The following CD101 variants were observed in gnomAD, a reference collection of about 807,000 sequenced individuals.
The protein encoded by CD101 is CD101 molecule.
CD101 carries 76 observed loss-of-function variants against 98.2 expected under a neutral mutation model. The ratio of observed to expected loss-of-function variants is 0.77; its 90% CI spans 0.64 to 0.94. CD101 has a LOEUF of 0.94. Among genes scored for constraint, CD101 ranks in the 40% least tolerant of loss-of-function variants. The pLI is 0.00. For missense variants in CD101, 1,145 were observed against 1,218.8 expected, an observed-to-expected ratio of 0.94 and a Z score of 0.90; for synonymous variants, 471 against 472.7, an observed-to-expected ratio of 1.00 and a Z score of 0.05.
chr1:117,035,571 A>G (rs1165244482), intron 9 of CD101, among the ~76,000 whole-genome samples: 2 of 142,726 alleles, frequency 1.4e-5, no homozygotes, highest in Non-Finnish European at 3.0e-5. Context: ...TTTTTTTGAG[A>G]TGAAGTCTCG....
At chr1:117,015,535 TA>T (rs1653148649) in intron 4 of CD101, among the ~76,000 whole-genome samples, 1 of 152,232 alleles carries the variant, frequency 6.6e-6, no homozygotes, top group South Asian at 2.1e-4. Context: ...CTCTCTTTGT[TA>T]CTTATGTATA....
chr1:117,001,880 A>G lies in CD101; in HGVS notation c.43+20A>G. ...TTCTGAGTAAGTTTCATAATCCTTT[A>G]TGTTTCTCTTGTCACAGGAGTTCAT... On this transcript the variant is annotated intron_variant, in intron 1 of 9. Coordinates refer to ENST00000682167, the MANE Select transcript of CD101 (RefSeq NM_001256106.3). 2 of 1,613,106 alleles carry G rather than the reference A, an allele frequency of 1.2e-6. No homozygotes were observed. Among genetic ancestry groups the G allele is most frequent in the Non-Finnish European group, 1.7e-6 (2 of 1,179,166 alleles).
At chr1:117,034,947 G>A (rs1040619891) in intron 9 of CD101, among the ~76,000 whole-genome samples, 6 of 152,220 alleles carry the variant, frequency 3.9e-5, no homozygotes, top group African/African-American at 1.2e-4. Flanking sequence ...ACAGCACTGG[G>A]TGGTAGGGAA....
In CD101 at chr1:117,029,374, C is replaced by T. The variant is rs555702438; in HGVS notation, c.2824+3470C>T. Among the ~76,000 whole-genome samples, 8 of 152,276 alleles carry T rather than the reference C, an allele frequency of 5.3e-5. No homozygotes were observed. In the South Asian group the frequency reaches 6.2e-4, roughly 12 times the overall value. ...AAAAAGATTAATAGAAGAGTAGATA[C>T]GACTGTCAGTCCAACATCTCACCAT... is the stretch of plus-strand genomic sequence containing the variant. On this transcript the variant is annotated intron_variant, in intron 8 of 9. Transcript: ENST00000682167.
At chr1:117,031,034 C>A (rs574711781) in intron 8 of CD101, among the ~76,000 whole-genome samples, 2 of 152,344 alleles carry the variant, frequency 1.3e-5, no homozygotes, top group South Asian at 4.1e-4. Flanking sequence ...AAATGCCAAA[C>A]CTTAATGGTT....
intron 4 of CD101, among the ~76,000 whole-genome samples, chr1:117,015,999 T>A (rs1653183344): frequency 6.6e-6 from 1 of 152,074 alleles, no homozygotes. Flanking sequence ...GCAGAATTCA[T>A]GTTTGTTGAA....
intron 8 of CD101, 126 bp downstream of exon 8, chr1:117,026,030 G>C (rs1441753565): frequency 5.8e-6 from 6 of 1,038,712 alleles, no homozygotes; most frequent in Non-Finnish European, 8.2e-6. Flanking sequence ...ACAATTTTCA[G>C]GTTCCCTAAA....
intron 8 of CD101, 80 bp downstream of exon 8, chr1:117,025,984 C>T: frequency 7.0e-7 from 1 of 1,435,058 alleles, no homozygotes; most frequent in Non-Finnish European, 9.3e-7. Context: ...TCTCACCTAT[C>T]TTTTGCTCCT....
intron 8 of CD101, among the ~76,000 whole-genome samples, chr1:117,029,221 G>GAAAAGA (rs774980237): frequency 2.4e-5 from 1 of 40,868 alleles, no homozygotes. Flanking sequence ...AGAAAAGAAA[G>GAAAAGA]AAAGAAAGAA....
rs1653368694 is a variant in CD101, at chr1:117,018,312, A to G, written c.1769A>G (p.His590Arg). ...QFQPASSHIF[H>R]QLIRITHNGT... Reference sequence around the variant, plus strand: ...CAGCCAGCTAGCTCTCACATCTTCCACCAGCTTATTCGAATCACCCACAAT... The same window carrying G: ...CAGCCAGCTAGCTCTCACATCTTCCGCCAGCTTATTCGAATCACCCACAAT... Residue 590 changes from histidine to arginine, a missense_variant, in exon 6 of 10, where the codon CAC becomes CGC. By Grantham distance (29) the His-to-Arg change is conservative (BLOSUM62 0). Coordinates refer to ENST00000682167, the MANE Select transcript of CD101 (RefSeq NM_001256106.3). The surrounding 1 kb of genome is among the most constrained non-coding windows in gnomAD (Gnocchi z 4.3). The G allele has an allele frequency of 6.2e-7, 1 of 1,613,978 alleles. No individual in the cohort carries two copies. The highest frequency in any genetic ancestry group is 8.5e-7 in the Non-Finnish European group (1 of 1,180,026).
rs1557774558 is a variant in CD101, at chr1:117,022,450, G to A, written c.2428+467G>A. Among the ~76,000 whole-genome samples the A allele has an allele frequency of 6.6e-6, 1 of 152,152 alleles. No homozygotes were observed. The highest frequency in any genetic ancestry group is 1.5e-5 in the Non-Finnish European group (1 of 68,028). On this transcript the variant is annotated intron_variant, in intron 7 of 9. Coordinates refer to ENST00000682167, the MANE Select transcript of CD101 (RefSeq NM_001256106.3). The surrounding 1 kb of genome is among the most constrained non-coding windows in gnomAD (Gnocchi z 4.8). ...AGCTGCCTAAACATAAGGCAAATAA[G>A]AGTAGTTAACTGTTGGAATGGCTTA...
rs1652499263 is a variant in CD101, at chr1:117,005,914, A to C, written c.44-3936A>C. Among the ~76,000 whole-genome samples, 2 of 152,034 alleles carry C rather than the reference A, an allele frequency of 1.3e-5. No individual in the cohort carries two copies. The highest frequency in any genetic ancestry group is 2.9e-5 in the Non-Finnish European group (2 of 67,982). ...CGATTACAAATATTTTCAAAGGGTTAAAGTCTATTTAACCCTTTGAAAATA... is the reference window on the plus strand; with the variant it reads ...CGATTACAAATATTTTCAAAGGGTTCAAGTCTATTTAACCCTTTGAAAATA... On this transcript the variant is annotated intron_variant, in intron 1 of 9. Coordinates refer to ENST00000682167, the MANE Select transcript of CD101 (RefSeq NM_001256106.3). This position sits in a 1 kb window ranked among gnomAD's most constrained non-coding sequence, Gnocchi z 4.4.
Position 117,020,314 on chromosome 1 carries a change from C to T in CD101, c.2018-1259C>T, listed in dbSNP as rs548232448. ...AATCCCACACTTTGGGAGGCCAAGG[C>T]GGGCAGATCACCTGAAGTCAGGAGT... On this transcript the variant is annotated intron_variant, in intron 6 of 9. Coordinates refer to ENST00000682167, the MANE Select transcript of CD101 (RefSeq NM_001256106.3). Among the ~76,000 whole-genome samples the T allele has an allele frequency of 3.0e-4, 46 of 152,220 alleles. No homozygotes were observed. The East Asian group carries it at 4.8e-3, about 16-fold the overall frequency.
chr1:117,011,302 T>C (rs1652873121), intron 2 of CD101, among the ~76,000 whole-genome samples: 1 of 152,154 alleles, frequency 6.6e-6, no homozygotes, highest in Non-Finnish European at 1.5e-5. Flanking sequence ...TTATAGCCTA[T>C]GTTAATAAAG....
At chr1:117,014,979 C>G (rs965966012) in intron 4 of CD101, among the ~76,000 whole-genome samples, 2 of 152,202 alleles carry the variant, frequency 1.3e-5, no homozygotes, top group African/African-American at 4.8e-5. Context: ...TCAGCCTTCT[C>G]TGGAACATAT....
chr1:117,016,630 A>G (rs1021334796), intron 4 of CD101, among the ~76,000 whole-genome samples: 1 of 152,188 alleles, frequency 6.6e-6, no homozygotes. Context: ...AGGCTGAGAC[A>G]GGAGGATCGC....
chr1:117,029,013 T>C (rs1021676959), intron 8 of CD101, among the ~76,000 whole-genome samples: 1 of 151,434 alleles, frequency 6.6e-6, no homozygotes, highest in Non-Finnish European at 1.5e-5. Flanking sequence ...AGCACATTTA[T>C]GTTTTAGAGG....
At chr1:117,035,660 C>T (rs374625873) in intron 9 of CD101, among the ~76,000 whole-genome samples, 3 of 152,142 alleles carry the variant, frequency 2.0e-5, no homozygotes, top group South Asian at 4.1e-4. Flanking sequence ...CGCCATCCTC[C>T]TGCCTCAGCC....
intron 4 of CD101, among the ~76,000 whole-genome samples, chr1:117,016,033 C>G (rs1465656070): frequency 6.6e-6 from 1 of 152,014 alleles, no homozygotes; most frequent in East Asian, 1.9e-4. Flanking sequence ...TGAATGATGA[C>G]TTGAATTTCC....
Sources: allele counts gnomAD v4.1 joint callset (sites outside exome capture counted in the v4.1 genomes callset), GRCh38; gene constraint gnomAD v4.1.1; non-coding constraint Gnocchi (gnomAD v3.1); transcripts MANE v1.5; gene names NCBI Gene and HGNC (gene_info 2026-07-23, HGNC 2026-07-21).